The following NRXN3 variants were observed in gnomAD, a reference collection of about 807,000 sequenced individuals.
NRXN3 encodes the protein neurexin III.
A neutral mutation model predicts 137.6 loss-of-function variants in NRXN3; 32 were observed. The ratio of observed to expected loss-of-function variants is 0.23; its 90% CI spans 0.18 to 0.31. The LOEUF is 0.31. NRXN3 is among the 10% of genes least tolerant of loss of function. The probability of loss-of-function intolerance (pLI) is 1.00; values close to 1 mark genes in which losing one functional copy is unlikely to be tolerated. For missense variants in NRXN3, 1,574 were observed against 2,062.5 expected, an observed-to-expected ratio of 0.76 and a Z score of 4.59; for synonymous variants, 798 against 784.5, an observed-to-expected ratio of 1.02 and a Z score of -0.29.
Position 79,112,618 on chromosome 14 carries a change from T to G in NRXN3, c.3262+124477T>G, listed in dbSNP as rs373647113. ...AAAGAGAAATAAGCACTTTCAGAAGTGTTGTCTGCACATGCCTGGGATTTT... is the reference window on the plus strand; with the variant it reads ...AAAGAGAAATAAGCACTTTCAGAAGGGTTGTCTGCACATGCCTGGGATTTT... On this transcript the variant is annotated intron_variant, in intron 15 of 20. Coordinates refer to ENST00000335750, the MANE Select transcript of NRXN3 (RefSeq NM_001330195.2). Among the ~76,000 whole-genome samples, 16 of 152,310 alleles carry G rather than the reference T, an allele frequency of 1.1e-4. No individual in the cohort carries two copies. The East Asian group carries it at 1.2e-3, about 11-fold the overall frequency.
chr14:78,609,915 C>A (rs2097285349), intron 4 of NRXN3, among the ~76,000 whole-genome samples: 1 of 152,072 alleles, frequency 6.6e-6, no homozygotes, highest in South Asian at 2.1e-4. Flanking sequence ...ACCTCATATG[C>A]AAGTCCATGC....
chr14:78,437,187 C>T (rs1452594867), intron 4 of NRXN3, among the ~76,000 whole-genome samples: 1 of 152,050 alleles, frequency 6.6e-6, no homozygotes, highest in Non-Finnish European at 1.5e-5. Context: ...TACCCTTATA[C>T]TTTAGATGAA....
At chr14:78,410,382 C>T (rs1274800409) in intron 4 of NRXN3, among the ~76,000 whole-genome samples, 1 of 152,212 alleles carries the variant, frequency 6.6e-6, no homozygotes, top group Non-Finnish European at 1.5e-5. Flanking sequence ...TATTCTCCTC[C>T]TTACCTATCA....
intron 15 of NRXN3, among the ~76,000 whole-genome samples, chr14:79,173,481 T>C (rs376089677): frequency 2.1e-5 from 3 of 143,030 alleles, no homozygotes; most frequent in East Asian, 4.2e-4. Flanking sequence ...CAGTGGGCCG[T>C]GTTCATGCCC....
intron 15 of NRXN3, chr14:79,280,521 C>T (rs772513292): frequency 2.5e-6 from 4 of 1,612,328 alleles, no homozygotes; most frequent in Admixed American, 3.3e-5. Context: ...TCCCCTGTTT[C>T]CCTTCGAGGA....
At chr14:78,669,112 C>A (rs1026577213) in intron 6 of NRXN3, among the ~76,000 whole-genome samples, 3 of 151,540 alleles carry the variant, frequency 2.0e-5, no homozygotes, top group Admixed American at 2.0e-4. Context: ...AGAACATGAA[C>A]AAAAGTTAAA....
intron 16 of NRXN3, among the ~76,000 whole-genome samples, chr14:79,620,150 T>C (rs572107226): frequency 5.8e-4 from 89 of 152,156 alleles, no homozygotes; most frequent in African/African-American, 2.0e-3. Flanking sequence ...TGGGGCACGA[T>C]TGAATAATTT....
intron 10 of NRXN3, among the ~76,000 whole-genome samples, chr14:78,892,185 G>A (rs759957360): frequency 6.6e-5 from 10 of 151,988 alleles, no homozygotes; most frequent in African/African-American, 2.2e-4. Context: ...TCTGATGCAC[G>A]TTAAAATTTC....
At chr14:79,378,790 T>C (rs1170057125) in intron 15 of NRXN3, among the ~76,000 whole-genome samples, 2 of 152,132 alleles carry the variant, frequency 1.3e-5, no homozygotes, top group Admixed American at 6.6e-5. Context: ...ATTGAGGTTT[T>C]TATCTCTTGA....
At chr14:79,306,815 C>T (rs2086155649) in intron 15 of NRXN3, among the ~76,000 whole-genome samples, 1 of 152,106 alleles carries the variant, frequency 6.6e-6, no homozygotes, top group African/African-American at 2.4e-5. Context: ...CACTTTGGGA[C>T]TAGGTCTTTG....
chr14:79,166,894 A>G (rs1378765166), intron 15 of NRXN3, among the ~76,000 whole-genome samples: 1 of 152,026 alleles, frequency 6.6e-6, no homozygotes, highest in East Asian at 1.9e-4. Flanking sequence ...CTTTGTAAAT[A>G]AAGTGCCTGG....
At chr14:78,197,634 G>A (rs1244075751) in intron 1 of NRXN3, among the ~76,000 whole-genome samples, 1 of 152,210 alleles carries the variant, frequency 6.6e-6, no homozygotes, top group East Asian at 1.9e-4. Flanking sequence ...TTCCTTCCTG[G>A]TGGAGCAGTA....
At chr14:79,612,582 C>T (rs140465656) in intron 16 of NRXN3, among the ~76,000 whole-genome samples, 1,969 of 152,320 alleles carry the variant, frequency 0.013, 22 homozygotes, top group Non-Finnish European at 0.017. Flanking sequence ...GCCACCATGG[C>T]TCAAGCCTGT....
rs557400505 is a variant in NRXN3 at position 79,627,669 on chromosome 14, C to T, written c.3445-36109C>T. ...AGAACAGGATCACATCCAGATTTTA[C>T]CACTTACTGGCTGTGTGACACTGGG... On this transcript the variant is annotated intron_variant, in intron 16 of 20. Coordinates refer to ENST00000335750, the MANE Select transcript of NRXN3 (RefSeq NM_001330195.2). Among the ~76,000 whole-genome samples, 17 of 152,256 alleles carry T rather than the reference C, an allele frequency of 1.1e-4. 1 individual carries two copies. In the South Asian group the frequency reaches 2.5e-3, roughly 22 times the overall value.
chr14:79,227,093 C>T (rs1040313448), intron 15 of NRXN3, among the ~76,000 whole-genome samples: 2 of 152,076 alleles, frequency 1.3e-5, no homozygotes, highest in Admixed American at 1.3e-4. Flanking sequence ...CCTGGAATTA[C>T]AGGCGTGAGC....
At chr14:79,216,532 A>G (rs560478412) in intron 15 of NRXN3, among the ~76,000 whole-genome samples, 119 of 152,268 alleles carry the variant, frequency 7.8e-4, no homozygotes, top group Non-Finnish European at 1.4e-3. Context: ...ATACTTCTCT[A>G]CAATATTGTT....
chr14:79,587,005 A>G (rs1478236799), intron 16 of NRXN3, among the ~76,000 whole-genome samples: 1 of 152,166 alleles, frequency 6.6e-6, no homozygotes, highest in Non-Finnish European at 1.5e-5. Context: ...ACTCTTGTCA[A>G]TGGCTTTGAT....
intron 15 of NRXN3, among the ~76,000 whole-genome samples, chr14:79,220,928 G>A (rs780022450): frequency 3.6e-4 from 53 of 147,374 alleles, no homozygotes; most frequent in Non-Finnish European, 5.7e-4. Flanking sequence ...AACAGGCCCC[G>A]GTGTGTGATG....
At chr14:79,676,842 C>A (rs1162081609) in intron 17 of NRXN3, among the ~76,000 whole-genome samples, 1 of 151,994 alleles carries the variant, frequency 6.6e-6, no homozygotes, top group African/African-American at 2.4e-5. Flanking sequence ...TATCAAAGTT[C>A]TAACTACCAG....
Sources: allele counts gnomAD v4.1 joint callset (sites outside exome capture counted in the v4.1 genomes callset), GRCh38; gene constraint gnomAD v4.1.1; transcripts MANE v1.5; gene names NCBI Gene and HGNC (gene_info 2026-07-23, HGNC 2026-07-21).